TBCA: variants seen among roughly 807,000 people sequenced by gnomAD.
TBCA encodes the protein tubulin-specific chaperone A.
Under a neutral mutation model 15.8 loss-of-function variants are expected in TBCA, and 6 were observed. The observed-to-expected ratio is 0.38, with a 90% confidence interval of 0.21 to 0.75. The LOEUF is 0.75. Among genes scored for constraint, TBCA ranks in the 30% least tolerant of loss-of-function variants. TBCA has a pLI of 0.46. For missense variants in TBCA, 90 were observed against 131.2 expected, an observed-to-expected ratio of 0.69 and a Z score of 1.53; for synonymous variants, 32 against 42.3, an observed-to-expected ratio of 0.76 and a Z score of 0.94.
chr5:77,756,226 A>AT (rs147324144), intron 1 of TBCA, among the ~76,000 whole-genome samples: 1 of 151,994 alleles, frequency 6.6e-6, no homozygotes, highest in African/African-American at 2.4e-5. Flanking sequence ...CTACGTCTCA[A>AT]TTTTTCTCTC....
At chr5:77,750,941 A>C (rs1747311736) in intron 1 of TBCA, among the ~76,000 whole-genome samples, 1 of 152,148 alleles carries the variant, frequency 6.6e-6, no homozygotes, top group Admixed American at 6.5e-5. Context: ...ATTGGTTGAA[A>C]GAGTTATTAT....
At chr5:77,717,904 C>T (rs532712384) in intron 1 of TBCA, among the ~76,000 whole-genome samples, 96 of 151,740 alleles carry the variant, frequency 6.3e-4, no homozygotes, top group African/African-American at 2.2e-3. Flanking sequence ...CTGAGGCCGG[C>T]AGATCACCTG....
At chr5:77,731,393 G>A (rs2112468366) in intron 1 of TBCA, among the ~76,000 whole-genome samples, 1 of 152,232 alleles carries the variant, frequency 6.6e-6, no homozygotes, top group Middle Eastern at 3.4e-3. Flanking sequence ...TGCAAAGCAA[G>A]GATAATAATA....
chr5:77,744,531 CTTTT>C (rs70991305), intron 1 of TBCA, among the ~76,000 whole-genome samples: 131 of 82,952 alleles, frequency 1.6e-3, no homozygotes, highest in African/African-American at 6.3e-3. Flanking sequence ...TCTTATTCAC[CTTTT>C]TTTTTTTTTT....
At chr5:77,764,377 A>C (rs760496983) in intron 1 of TBCA, among the ~76,000 whole-genome samples, 4 of 152,206 alleles carry the variant, frequency 2.6e-5, no homozygotes, top group Admixed American at 1.3e-4. Context: ...AGGGCTGTGC[A>C]TGGACCAATA....
intron 2 of TBCA, 181 bp from the exon 3 acceptor site, chr5:77,693,533 T>TCA: frequency 1.3e-6 from 1 of 754,618 alleles, no homozygotes; most frequent in East Asian, 2.9e-5. Flanking sequence ...GCACAGTGGC[T>TCA]CACGCCTGTA....
chr5:77,722,307 G>A (rs1179381900), intron 1 of TBCA, among the ~76,000 whole-genome samples: 2 of 152,014 alleles, frequency 1.3e-5, no homozygotes, highest in African/African-American at 4.8e-5. Context: ...TGTATGAGGG[G>A]AAAATCTGTC....
At chr5:77,701,776 G>C (rs1423796572) in intron 2 of TBCA, among the ~76,000 whole-genome samples, 1 of 143,856 alleles carries the variant, frequency 7.0e-6, no homozygotes, top group Admixed American at 7.1e-5. Context: ...GGCATTTGCA[G>C]CAACTTGGAC....
intron 1 of TBCA, among the ~76,000 whole-genome samples, chr5:77,750,905 T>TA (rs1406987866): frequency 6.6e-6 from 1 of 152,140 alleles, no homozygotes; most frequent in Non-Finnish European, 1.5e-5. Flanking sequence ...AGGTCATCGG[T>TA]AGATTTAAAC....
intron 1 of TBCA, among the ~76,000 whole-genome samples, chr5:77,747,624 T>A (rs1218672027): frequency 6.6e-6 from 1 of 152,082 alleles, no homozygotes; most frequent in Non-Finnish European, 1.5e-5. Flanking sequence ...GGGGTTAATA[T>A]GTTGTTGTCC....
chr5:77,691,221 G>GT lies in TBCA; in HGVS notation c.*196dup. 2 of 536,226 alleles carry GT rather than the reference G, an allele frequency of 3.7e-6. No individual in the cohort carries two copies. Among genetic ancestry groups the GT allele is most frequent in the East Asian group, 3.5e-5 (1 of 28,224 alleles). 33.2% of individuals were successfully genotyped at this position (536,226 alleles called of 1,614,324 possible). ...GATAAAAGGTTAATTTAAAAATTTT[G>GT]TAAAGTATAAAATAAACAATTTTAT... On this transcript the variant is annotated 3_prime_UTR_variant, in exon 4 of 4. Transcript: ENST00000380377.
chr5:77,765,577 C>A (rs1028286156), intron 1 of TBCA, among the ~76,000 whole-genome samples: 13 of 152,142 alleles, frequency 8.5e-5, no homozygotes, highest in African/African-American at 3.1e-4. Context: ...TCTCCTACCC[C>A]CTTTTCCTCT....
intron 1 of TBCA, among the ~76,000 whole-genome samples, chr5:77,714,331 C>CA: frequency 6.6e-6 from 1 of 151,328 alleles, no homozygotes; most frequent in Non-Finnish European, 1.5e-5. Context: ...AAAAAACAAA[C>CA]AAAAAAAGAA....
At chr5:77,757,186 C>A (rs1018423978) in intron 1 of TBCA, among the ~76,000 whole-genome samples, 1 of 151,270 alleles carries the variant, frequency 6.6e-6, no homozygotes, top group African/African-American at 2.5e-5. Flanking sequence ...AAGACCAGAA[C>A]AACAACAACA....
At chr5:77,706,915 C>A (rs534596771) in intron 2 of TBCA, among the ~76,000 whole-genome samples, 1 of 151,658 alleles carries the variant, frequency 6.6e-6, no homozygotes, top group African/African-American at 2.4e-5. Flanking sequence ...CAAGAAGGGA[C>A]CAACTAAATT....
chr5:77,766,008 TAAC>T (rs1430308153), intron 1 of TBCA, among the ~76,000 whole-genome samples: 1 of 152,152 alleles, frequency 6.6e-6, no homozygotes, highest in Non-Finnish European at 1.5e-5. Flanking sequence ...CTGCATAACT[TAAC>T]AATGTACAAA....
intron 1 of TBCA, among the ~76,000 whole-genome samples, chr5:77,739,578 GT>G (rs1042785778): frequency 6.6e-6 from 1 of 152,154 alleles, no homozygotes; most frequent in Non-Finnish European, 1.5e-5. Context: ...TTAAAAATCA[GT>G]TTTTAAACAT....
At chr5:77,749,675 C>T (rs1747272020) in intron 1 of TBCA, among the ~76,000 whole-genome samples, 1 of 152,186 alleles carries the variant, frequency 6.6e-6, no homozygotes, top group African/African-American at 2.4e-5. Flanking sequence ...ACGTAAAACA[C>T]ACATAGTACC....
At chr5:77,767,981 A>G (rs532800518) in intron 1 of TBCA, among the ~76,000 whole-genome samples, 1 of 152,342 alleles carries the variant, frequency 6.6e-6, no homozygotes, top group African/African-American at 2.4e-5. Flanking sequence ...CCCTTATAAA[A>G]GAGGCTTCAC....
Sources: gnomAD v4.1 joint callset for allele counts (sites outside exome capture counted in the v4.1 genomes callset) on GRCh38, gnomAD v4.1.1 for gene constraint, MANE v1.5 for transcripts, NCBI Gene and HGNC (gene_info 2026-07-23, HGNC 2026-07-21) for gene names.